OTUD7A: variants seen among roughly 807,000 people sequenced by gnomAD.
OTUD7A encodes OTU deubiquitinase 7A, also known as OTU domain-containing protein 7A.
OTUD7A carries 12 observed loss-of-function variants against 65.7 expected under a neutral mutation model. The ratio of observed to expected loss-of-function variants is 0.18; its 90% CI spans 0.12 to 0.30. The LOEUF is 0.30. Ranked by LOEUF, OTUD7A falls within the 10% of genes least tolerant of loss-of-function variation. The pLI, the probability that OTUD7A is intolerant of heterozygous loss-of-function variation, is 1.00. For synonymous variants in OTUD7A, 641 were observed against 586.3 expected (o/e 1.09, Z -1.35); for missense variants, 1,148 against 1,304.8 (o/e 0.88, Z 1.85).
At chr15:31,835,619 G>C (rs188303254) in intron 1 of OTUD7A, among the ~76,000 whole-genome samples, 9 of 152,136 alleles carry the variant, frequency 5.9e-5, no homozygotes, top group African/African-American at 1.9e-4. Context: ...CCTATTGTTT[G>C]GACCTAAATA....
intron 1 of OTUD7A, among the ~76,000 whole-genome samples, chr15:31,819,033 G>A (rs1047833701): frequency 1.3e-5 from 2 of 152,070 alleles, no homozygotes; most frequent in Non-Finnish European, 2.9e-5. Flanking sequence ...GAAAAGAACT[G>A]GCCAGTTTGT....
intron 3 of OTUD7A, among the ~76,000 whole-genome samples, chr15:31,593,016 G>C (rs896600444): frequency 5.1e-5 from 7 of 136,970 alleles, no homozygotes; most frequent in Non-Finnish European, 1.1e-4. Flanking sequence ...AAAAAGTATA[G>C]CATAGTAAAT....
Position 31,484,025 on chromosome 15 carries a change from C to CA in OTUD7A, c.2070_2071insT (p.Ala691CysfsTer194). ...TTGGCCGTGGCGGCGGCGGCGGCGG[C>CA]GGCAGCGGCGGCCGCAGTAGCGGCG... On this transcript the variant is annotated frameshift_variant, in exon 13 of 13. Coordinates refer to ENST00000307050, the MANE Select transcript of OTUD7A (RefSeq NM_001382637.1). LOFTEE classifies it low-confidence loss of function (END_TRUNC). The surrounding 1 kb of genome is among the most constrained non-coding windows in gnomAD (Gnocchi z 4.5). The CA allele has an allele frequency of 1.6e-6, 2 of 1,232,804 alleles. No homozygotes were observed. Among genetic ancestry groups the CA allele is most frequent in the East Asian group, 3.2e-5 (1 of 30,876 alleles). 76.4% of individuals were successfully genotyped at this position (1,232,804 alleles called of 1,614,324 possible).
chr15:31,496,189 C>T (rs1183634188), intron 10 of OTUD7A, among the ~76,000 whole-genome samples: 1 of 151,292 alleles, frequency 6.6e-6, no homozygotes, highest in African/African-American at 2.4e-5. Flanking sequence ...CAGATAGGTA[C>T]ACAAATAGAC....
chr15:31,771,839 A>C (rs1895242746), intron 1 of OTUD7A, among the ~76,000 whole-genome samples: 1 of 152,166 alleles, frequency 6.6e-6, no homozygotes, highest in East Asian at 1.9e-4. Context: ...GAGCCTGCCA[A>C]ACTCCTTCCT....
At chr15:31,662,634 A>G (rs1249783380) in intron 1 of OTUD7A, among the ~76,000 whole-genome samples, 3 of 152,132 alleles carry the variant, frequency 2.0e-5, no homozygotes, top group African/African-American at 2.4e-5. Flanking sequence ...AGTCTTTTTT[A>G]TTGAGAATGG....
At chr15:31,638,457 G>A (rs1360240063) in intron 3 of OTUD7A, among the ~76,000 whole-genome samples, 1 of 145,402 alleles carries the variant, frequency 6.9e-6, no homozygotes, top group African/African-American at 2.6e-5. Flanking sequence ...TCCACTCACT[G>A]CAACCTCTGT....
chr15:31,561,305 C>T (rs111964384), intron 4 of OTUD7A, among the ~76,000 whole-genome samples: 5 of 152,338 alleles, frequency 3.3e-5, no homozygotes, highest in African/African-American at 1.2e-4. Context: ...TTGTGTCTTT[C>T]TGCCTCGTGC....
rs1402163123 is a variant in OTUD7A at position 31,793,582 on chromosome 15, G to T, written c.-100+76925C>A. On this transcript the variant is annotated intron_variant, in intron 1 of 12. Coordinates refer to ENST00000307050, the MANE Select transcript of OTUD7A (RefSeq NM_001382637.1). ...CCGTCATCCTTAAATTACAATACTG[G>T]AAGGGGTACGAAGGTGCCATTTTCT... 2.0e-5 allele frequency among the ~76,000 whole-genome samples: 3 copies of T among 152,194 alleles called. No individual in the cohort carries two copies. In the East Asian group the frequency reaches 5.8e-4, roughly 29 times the overall value.
chr15:31,818,717 T>C (rs1296353636), intron 1 of OTUD7A, among the ~76,000 whole-genome samples: 21 of 152,204 alleles, frequency 1.4e-4, no homozygotes, highest in Admixed American at 1.3e-3. Flanking sequence ...TAGTAAGACA[T>C]AAGCTTTTCT....
chr15:31,827,551 A>G (rs1390244628), intron 1 of OTUD7A, among the ~76,000 whole-genome samples: 1 of 152,252 alleles, frequency 6.6e-6, no homozygotes, highest in African/African-American at 2.4e-5. Flanking sequence ...TTTGAATGAC[A>G]GAGCCAAGTC....
chr15:31,670,925 G>C (rs879217631), intron 1 of OTUD7A, among the ~76,000 whole-genome samples: 62 of 152,080 alleles, frequency 4.1e-4, no homozygotes, highest in African/African-American at 1.3e-3. Context: ...AACCCGGGAG[G>C]CGGAGCTTGC....
At chr15:31,507,609 C>A (rs1459406516) in intron 8 of OTUD7A, among the ~76,000 whole-genome samples, 3 of 143,472 alleles carry the variant, frequency 2.1e-5, no homozygotes, top group Non-Finnish European at 4.5e-5. Context: ...GAACAGGACC[C>A]GAGCAGGTTG....
chr15:31,811,801 G>T (rs1037237818), intron 1 of OTUD7A, among the ~76,000 whole-genome samples: 1 of 152,166 alleles, frequency 6.6e-6, no homozygotes, highest in South Asian at 2.1e-4. Context: ...CGGGCAGTCC[G>T]CCTGGCCAGA....
intron 1 of OTUD7A, among the ~76,000 whole-genome samples, chr15:31,796,098 G>A (rs8035439): frequency 0.98 from 148,396 of 151,934 alleles, 72,563 homozygotes; most frequent in Middle Eastern, 1. Flanking sequence ...TTGAGTCTCT[G>A]TAACATTAGG....
Position 31,503,675 on chromosome 15 carries a change from T to G in OTUD7A, c.1021+16A>C. ...TTCTGTGTCATGAATACAACACATC[T>G]CTTTGAGGAACTTACCTTCTCCACC... On this transcript the variant is annotated intron_variant, in intron 9 of 12. Coordinates refer to ENST00000307050, the MANE Select transcript of OTUD7A (RefSeq NM_001382637.1). 1.2e-6 allele frequency: 2 copies of G among 1,614,106 alleles called. No individual in the cohort carries two copies. The highest frequency in any genetic ancestry group is 1.7e-6 in the Non-Finnish European group (2 of 1,180,010).
intron 3 of OTUD7A, among the ~76,000 whole-genome samples, chr15:31,612,782 T>C (rs1890468483): frequency 6.6e-6 from 1 of 152,148 alleles, no homozygotes; most frequent in Non-Finnish European, 1.5e-5. Context: ...TTCACAGAAT[T>C]AGAAAAAACA....
chr15:31,863,589 C>T (rs550264413), intron 1 of OTUD7A, among the ~76,000 whole-genome samples: 10 of 152,282 alleles, frequency 6.6e-5, no homozygotes, highest in East Asian at 1.9e-4. Context: ...CTTTTGGCCA[C>T]GGGTGGAATG....
intron 3 of OTUD7A, among the ~76,000 whole-genome samples, chr15:31,617,671 T>A (rs1174290220): frequency 6.6e-6 from 1 of 152,146 alleles, no homozygotes; most frequent in Non-Finnish European, 1.5e-5. Context: ...TCTAGTTACC[T>A]CTGGGGAGAA....
Sources: gnomAD v4.1 joint callset for allele counts (sites outside exome capture counted in the v4.1 genomes callset) on GRCh38, gnomAD v4.1.1 for gene constraint, Gnocchi (gnomAD v3.1) non-coding constraint, MANE v1.5 for transcripts, NCBI Gene and HGNC (gene_info 2026-07-23, HGNC 2026-07-21) for gene names.